The following KTN1 variants were observed in gnomAD, a reference collection of about 807,000 sequenced individuals.
The protein encoded by KTN1 is kinectin 1.
A neutral mutation model predicts 222.5 loss-of-function variants in KTN1; 130 were observed. The observed-to-expected ratio is 0.58, with a 90% CI of 0.51 to 0.68. The LOEUF (loss-of-function observed/expected upper bound fraction) is 0.68, where lower values mean the gene tolerates loss of function less well. KTN1 is among the 30% of genes least tolerant of loss of function. The pLI is 0.00. For synonymous variants in KTN1, 512 were observed against 496.3 expected (o/e 1.03, Z -0.42); for missense variants, 1,508 against 1,500.4 (o/e 1.01, Z -0.08).
intron 5 of KTN1, among the ~76,000 whole-genome samples, chr14:55,619,657 A>G (rs528308554): frequency 1.3e-5 from 2 of 152,220 alleles, no homozygotes; most frequent in Non-Finnish European, 2.9e-5. Context: ...TCCTCTTATA[A>G]AACCATCAGA....
At chr14:55,609,042 A>G (rs1440388357) in intron 1 of KTN1, among the ~76,000 whole-genome samples, 2 of 151,868 alleles carry the variant, frequency 1.3e-5, no homozygotes, top group Non-Finnish European at 2.9e-5. Flanking sequence ...TTCTTCTAAA[A>G]AAAAAAAAAC....
chr14:55,646,880 C>T, intron 18 of KTN1, 93 bp from the exon 19 acceptor site: 1 of 798,796 alleles, frequency 1.3e-6, no homozygotes, highest in Non-Finnish European at 2.2e-6. Flanking sequence ...ATTTAATAAC[C>T]CTAAACAATT....
intron 1 of KTN1, among the ~76,000 whole-genome samples, chr14:55,585,826 G>C (rs8023112): frequency 6.6e-6 from 1 of 152,206 alleles, no homozygotes. Context: ...CTGTAAGACA[G>C]CTTCCACTTT....
At chr14:55,671,914 G>A (rs894136370) in intron 37 of KTN1, 37 bp downstream of exon 37, 13 of 1,206,186 alleles carry the variant, frequency 1.1e-5, no homozygotes, top group Middle Eastern at 1.9e-4. Context: ...AGTGGTTCTC[G>A]ATGTGTGGGG....
At chr14:55,683,969 C>A in intron 43 of KTN1, 130 bp from the exon 44 acceptor site, 1 of 612,950 alleles carries the variant, frequency 1.6e-6, no homozygotes, top group Non-Finnish European at 2.7e-6. Flanking sequence ...GTGTGAATTG[C>A]TTTGAGTCTA....
rs200059083 is a variant in KTN1, at chr14:55,671,644, C to A, written c.3427C>A (p.Leu1143Ile). 2.5e-6 allele frequency: 4 copies of A among 1,609,078 alleles called. No homozygotes were observed. Among genetic ancestry groups the A allele is most frequent in the Non-Finnish European group, 3.4e-6 (4 of 1,177,040 alleles). The change falls in exon 36 of 44, where the codon CTT (leucine) becomes ATT (isoleucine). Residue 1143 changes from leucine to isoleucine, a missense_variant. Coordinates refer to ENST00000395314, the MANE Select transcript of KTN1 (RefSeq NM_001079521.2). ...QLECEKYKSV[L>I]AETEGILQKL... is the part of the protein sequence containing the mutation. Reference sequence around the variant, plus strand: ...AGAGTGTGAAAAATACAAATCCGTCCTTGCAGAAACAGTAGGAAATGATTT... The same window carrying A: ...AGAGTGTGAAAAATACAAATCCGTCATTGCAGAAACAGTAGGAAATGATTT...
At chr14:55,589,914 C>CCTA in intron 1 of KTN1, among the ~76,000 whole-genome samples, 1 of 151,972 alleles carries the variant, frequency 6.6e-6, no homozygotes, top group Non-Finnish European at 1.5e-5. Context: ...ACCTCAGCCT[C>CCTA]CTAAAGTGCT....
chr14:55,672,940 A>C lies in KTN1; in HGVS notation c.3615A>C (p.Glu1205Asp). Residue 1205 changes from glutamate (E) to aspartate (D), a missense_variant, in exon 39 of 44, where the codon GAA (glutamate) becomes GAC (aspartate). Coordinates refer to ENST00000395314, the MANE Select transcript of KTN1 (RefSeq NM_001079521.2). ...TGTTGCATTGCTAGCTGAGAAGAGAACGAGAACATTTGGAAATGGAACTAG... is the reference window on the plus strand; with the variant it reads ...TGTTGCATTGCTAGCTGAGAAGAGACCGAGAACATTTGGAAATGGAACTAG... ...ENKDIENLRR[E>D]REHLEMELEK... 6.2e-7 allele frequency: 1 copy of C among 1,612,996 alleles called. No individual in the cohort carries two copies.
chr14:55,645,848 A>G (rs2042230822), intron 18 of KTN1, among the ~76,000 whole-genome samples: 1 of 152,202 alleles, frequency 6.6e-6, no homozygotes, highest in African/African-American at 2.4e-5. Flanking sequence ...ATAAATATGT[A>G]CAGAGTGGAA....
chr14:55,624,450 A>G (rs1566736737), intron 5 of KTN1, among the ~76,000 whole-genome samples: 2 of 152,166 alleles, frequency 1.3e-5, no homozygotes, highest in African/African-American at 2.4e-5. Context: ...TTTTGTGAAC[A>G]CTTTGTAGAG....
chr14:55,644,188 G>A, intron 18 of KTN1: 2 of 408,936 alleles, frequency 4.9e-6, no homozygotes, highest in Middle Eastern at 6.4e-4. Flanking sequence ...GTTGCTGCTA[G>A]TGAAAGAAGA....
intron 1 of KTN1, among the ~76,000 whole-genome samples, chr14:55,586,934 C>G (rs1392693365): frequency 6.6e-6 from 1 of 152,000 alleles, no homozygotes; most frequent in Non-Finnish European, 1.5e-5. Context: ...TAATGGTTAC[C>G]TCGAAAACGC....
At chr14:55,634,253 A>C (rs2040862301) in intron 8 of KTN1, among the ~76,000 whole-genome samples, 1 of 152,180 alleles carries the variant, frequency 6.6e-6, no homozygotes, top group Non-Finnish European at 1.5e-5. Context: ...GATTTTTAAT[A>C]CGTTTTCAGA....
At chr14:55,673,993 G>C (rs1326251133) in intron 40 of KTN1, 1 of 151,836 alleles carries the variant, frequency 6.6e-6, no homozygotes, top group Non-Finnish European at 1.5e-5. Context: ...TACAGCACAG[G>C]GATTAGATTT....
Position 55,596,140 on chromosome 14 carries a change from G to A in KTN1, c.-31+15786G>A, listed in dbSNP as rs1246652927. ...ACTGCACTCCAGCATGGGCGACAGA[G>A]CAAGACTCAATAGCAAAAAAAAAAA... On this transcript the variant is annotated intron_variant, in intron 1 of 43. Coordinates refer to ENST00000395314, the MANE Select transcript of KTN1 (RefSeq NM_001079521.2). 7.1e-5 allele frequency among the ~76,000 whole-genome samples: 7 copies of A among 99,258 alleles called. 1 individual carries two copies. The East Asian group carries it at 2.0e-3, about 29-fold the overall frequency. The allele number at this position is 99,258 out of a possible 152,430, so 65.1% of individuals were successfully genotyped here.
rs554660039 is a variant in KTN1 at position 55,684,286 on chromosome 14, A to T, written c.*183A>T. On this transcript the variant is annotated 3_prime_UTR_variant, in exon 44 of 44. Coordinates refer to ENST00000395314, the MANE Select transcript of KTN1 (RefSeq NM_001079521.2). ...GGAAAAAAAAAAGCCAACTCTGTAG[A>T]CACCTTCAGAGTTTAGTTTTATAAT... 5.6e-5 allele frequency: 25 copies of T among 449,506 alleles called. No homozygotes were observed. The highest frequency in any genetic ancestry group is 7.9e-6 in the Non-Finnish European group (2 of 254,612). 27.8% of individuals were successfully genotyped at this position (449,506 alleles called of 1,614,324 possible).
chr14:55,663,123 G>T, intron 32 of KTN1: 1 of 348,150 alleles, frequency 2.9e-6, no homozygotes, highest in Non-Finnish European at 5.8e-6. Flanking sequence ...TTGTTGTAAC[G>T]GTGAGAATTT....
At chr14:55,601,017 A>G (rs1346104364) in intron 1 of KTN1, among the ~76,000 whole-genome samples, 2 of 152,168 alleles carry the variant, frequency 1.3e-5, no homozygotes, top group African/African-American at 2.4e-5. Context: ...TTCAGCAGCT[A>G]TGACCTCTGC....
chr14:55,606,593 A>G (rs1362356068), intron 1 of KTN1, among the ~76,000 whole-genome samples: 1 of 150,480 alleles, frequency 6.6e-6, no homozygotes, highest in Non-Finnish European at 1.5e-5. Context: ...CTGAAACACT[A>G]TAGTAAAAAA....
Sources: allele counts gnomAD v4.1 joint callset (sites outside exome capture counted in the v4.1 genomes callset), GRCh38; gene constraint gnomAD v4.1.1; transcripts MANE v1.5; gene names NCBI Gene and HGNC (gene_info 2026-07-23, HGNC 2026-07-21).